DPP6: variants seen among roughly 807,000 people sequenced by gnomAD.
DPP6 encodes dipeptidyl peptidase like 6, also known as A-type potassium channel modulatory protein DPP6.
A neutral mutation model predicts 122.6 loss-of-function variants in DPP6; 69 were observed. The observed-to-expected ratio is 0.56, with a 90% confidence interval of 0.46 to 0.69. The LOEUF (loss-of-function observed/expected upper bound fraction) is 0.69, where lower values mean the gene tolerates loss of function less well. Among genes scored for constraint, DPP6 ranks in the 30% least tolerant of loss-of-function variants. The pLI is 0.00. For missense variants in DPP6, 928 were observed against 1,116.9 expected, an observed-to-expected ratio of 0.83 and a Z score of 2.41; for synonymous variants, 418 against 433.1, an observed-to-expected ratio of 0.97 and a Z score of 0.43.
intron 1 of DPP6, among the ~76,000 whole-genome samples, chr7:153,950,925 G>A (rs1048121000): frequency 1.3e-5 from 2 of 152,198 alleles, no homozygotes; most frequent in African/African-American, 2.4e-5. Context: ...AGGTGTGCGT[G>A]CGGTGCCCTA....
intron 2 of DPP6, among the ~76,000 whole-genome samples, chr7:154,470,490 C>G (rs1157352956): frequency 6.6e-6 from 1 of 152,206 alleles, no homozygotes; most frequent in African/African-American, 2.4e-5. Context: ...GCATGCCCCT[C>G]CAGCAGCTAT....
intron 1 of DPP6, among the ~76,000 whole-genome samples, chr7:153,920,561 C>CTTTTTTTTTA (rs1489811189): frequency 1.6e-5 from 1 of 62,458 alleles, no homozygotes; most frequent in Admixed American, 2.1e-4. Flanking sequence ...TTTTATCTCT[C>CTTTTTTTTTA]TCTTTTTTTT....
intron 1 of DPP6, among the ~76,000 whole-genome samples, chr7:153,981,759 A>G (rs897107081): frequency 7.2e-5 from 11 of 151,882 alleles, no homozygotes; most frequent in African/African-American, 2.7e-4. Flanking sequence ...ATCTCTCAGC[A>G]TTTGCTTGTC....
At chr7:154,867,909 GT>G in intron 17 of DPP6, 85 bp from the exon 18 acceptor site, 1 of 1,454,972 alleles carries the variant, frequency 6.9e-7, no homozygotes, top group Non-Finnish European at 9.1e-7. Context: ...GAAAGCAGCA[GT>G]TACGCACATG....
the DPP6 span, among the ~76,000 whole-genome samples, chr7:153,838,011 A>G: frequency 1.1e-4 from 17 of 152,124 alleles, 1 homozygote; most frequent in Admixed American, 9.8e-4. Context: ...TGTCTCAGGC[A>G]GGTATTATTG....
intron 1 of DPP6, among the ~76,000 whole-genome samples, chr7:154,252,207 A>G (rs1003027293): frequency 7.2e-6 from 1 of 139,366 alleles, no homozygotes; most frequent in African/African-American, 3.0e-5. Flanking sequence ...TGGCCTCACA[A>G]TGTCACGTGT....
intron 1 of DPP6, among the ~76,000 whole-genome samples, chr7:154,164,178 C>A (rs1349991700): frequency 6.6e-6 from 1 of 150,532 alleles, no homozygotes; most frequent in African/African-American, 2.5e-5. Flanking sequence ...GTCTAAGAGT[C>A]TTCCCTGCCC....
chr7:153,932,096 A>G (rs576680609), intron 1 of DPP6, among the ~76,000 whole-genome samples: 7 of 147,492 alleles, frequency 4.7e-5, no homozygotes, highest in African/African-American at 1.7e-4. Flanking sequence ...ATTGTTTGCT[A>G]CTTGGCTTTG....
At chr7:154,642,541 G>C (rs186328452) in intron 6 of DPP6, among the ~76,000 whole-genome samples, 115 of 152,258 alleles carry the variant, frequency 7.6e-4, no homozygotes, top group African/African-American at 2.6e-3. Flanking sequence ...AGTGAGCTGA[G>C]ATTGTACCAT....
the DPP6 span, among the ~76,000 whole-genome samples, chr7:153,804,756 C>T: frequency 7.9e-5 from 12 of 151,964 alleles, no homozygotes; most frequent in Admixed American, 4.6e-4. Context: ...TAGTGGTGGG[C>T]ACCTGTAATC....
In DPP6 at chr7:154,052,980, C is replaced by G. The variant is rs949589423; in HGVS notation, c.160C>G (p.Arg54Gly). 1,072 of 1,093,746 alleles carry G rather than the reference C, an allele frequency of 9.8e-4. No homozygotes were observed. The highest frequency in any genetic ancestry group is 1.1e-3 in the Non-Finnish European group (1,003 of 901,000). 67.8% of individuals were successfully genotyped at this position (1,093,746 alleles called of 1,614,324 possible). Residue 54 changes from arginine to glycine, a missense_variant, in exon 1 of 26, where the codon CGG (arginine) becomes GGG (glycine). Coordinates refer to ENST00000377770, the MANE Select transcript of DPP6 (RefSeq NM_130797.4). This position sits in a 1 kb window ranked among gnomAD's most constrained non-coding sequence, Gnocchi z 4.8. ...LGPRAQAAAP[R>G]ERGGGGGGAG... is the part of the protein sequence containing the mutation. ...CCCGCGGGCGCAGGCGGCGGCGCCC[C>G]GGGAGCGCGGCGGCGGCGGCGGCGG...
intron 2 of DPP6, among the ~76,000 whole-genome samples, chr7:154,469,028 A>G (rs188322372): frequency 6.6e-6 from 1 of 152,350 alleles, no homozygotes; most frequent in African/African-American, 2.4e-5. Context: ...AAAAGAAATG[A>G]ACTGAACATC....
At chr7:154,251,392 A>G (rs1028786584) in intron 1 of DPP6, among the ~76,000 whole-genome samples, 5 of 152,354 alleles carry the variant, frequency 3.3e-5, no homozygotes, top group African/African-American at 1.2e-4. Flanking sequence ...TAAAAGACAG[A>G]GTCAACAAGG....
At chr7:154,759,312 C>G (rs943058105) in intron 8 of DPP6, among the ~76,000 whole-genome samples, 2 of 152,338 alleles carry the variant, frequency 1.3e-5, no homozygotes, top group African/African-American at 4.8e-5. Flanking sequence ...TAAATGCCTC[C>G]TTCACATCAG....
intron 1 of DPP6, among the ~76,000 whole-genome samples, chr7:154,153,835 G>A (rs1796548598): frequency 6.6e-6 from 1 of 152,124 alleles, no homozygotes; most frequent in Non-Finnish European, 1.5e-5. Flanking sequence ...AGGCCCCGGG[G>A]CCATAGTTTG....
chr7:153,994,691 T>C (rs1797344015), intron 1 of DPP6, among the ~76,000 whole-genome samples: 1 of 152,266 alleles, frequency 6.6e-6, no homozygotes, highest in Non-Finnish European at 1.5e-5. Flanking sequence ...CCTAAAATTT[T>C]AATTTCATGA....
At chr7:154,491,443 A>T (rs1420823526) in intron 3 of DPP6, among the ~76,000 whole-genome samples, 2 of 152,222 alleles carry the variant, frequency 1.3e-5, no homozygotes. Context: ...GAAAAGACAC[A>T]ACATATTCAA....
the DPP6 span, among the ~76,000 whole-genome samples, chr7:153,828,254 G>C: frequency 6.6e-6 from 1 of 152,240 alleles, no homozygotes; most frequent in Non-Finnish European, 1.5e-5. Context: ...GGGTAGGGCA[G>C]TGGAGGGAGA....
intron 1 of DPP6, among the ~76,000 whole-genome samples, chr7:153,949,142 G>GC (rs1424900925): frequency 2.6e-5 from 4 of 152,234 alleles, no homozygotes; most frequent in Non-Finnish European, 5.9e-5. Context: ...ATCGGCATGA[G>GC]CCGCACTGCA....
Sources: allele counts gnomAD v4.1 joint callset (sites outside exome capture counted in the v4.1 genomes callset), GRCh38; gene constraint gnomAD v4.1.1; non-coding constraint Gnocchi (gnomAD v3.1); transcripts MANE v1.5; gene names NCBI Gene and HGNC (gene_info 2026-07-23, HGNC 2026-07-21).